SPECC1: variants seen among roughly 807,000 people sequenced by gnomAD.
The protein encoded by SPECC1 is cytospin-B.
A neutral mutation model predicts 104.1 loss-of-function variants in SPECC1; 62 were observed. The observed-to-expected ratio is 0.60, with a 90% CI of 0.49 to 0.74. The LOEUF (loss-of-function observed/expected upper bound fraction) is 0.74. Ranked by LOEUF, SPECC1 falls within the 30% of genes least tolerant of loss-of-function variation. The pLI is 0.00. For missense variants in SPECC1, 1,306 were observed against 1,310.5 expected, an observed-to-expected ratio of 1.00 and a Z score of 0.05; for synonymous variants, 513 against 501.6, an observed-to-expected ratio of 1.02 and a Z score of -0.30.
At chr17:20,155,963 AG>A in intron 3 of SPECC1, 1 of 1,250,138 alleles carries the variant, frequency 8.0e-7, no homozygotes, top group Non-Finnish European at 1.0e-6. Context: ...ATGCAGATGA[AG>A]GGGGCGGGCC....
chr17:20,059,957 T>A (rs2046123154), intron 1 of SPECC1, among the ~76,000 whole-genome samples: 1 of 152,224 alleles, frequency 6.6e-6, no homozygotes, highest in Admixed American at 6.5e-5. Flanking sequence ...AATTATCTAC[T>A]GGTTTGTACA....
intron 4 of SPECC1, among the ~76,000 whole-genome samples, chr17:20,206,462 T>A (rs984174469): frequency 6.6e-6 from 1 of 152,258 alleles, no homozygotes; most frequent in Non-Finnish European, 1.5e-5. Context: ...TTTATAATCA[T>A]CCTGTACATG....
rs533160344 is a variant in SPECC1, at chr17:20,246,022, G to A, written c.2448G>A (p.Ser816=). The A allele has an allele frequency of 3.3e-5, 54 of 1,613,990 alleles. No individual in the cohort carries two copies. The highest frequency in any genetic ancestry group is 1.1e-4 in the East Asian group (5 of 44,884). The change falls in exon 8 of 15, where the codon TCG becomes TCA. Residue 816 remains serine, a synonymous_variant. Transcript: ENST00000395527. The part of the protein sequence containing the change: ...VSRTSPTPPE[S]ATTVKSLIKS... The stretch of plus-strand genomic sequence containing the variant: ...GAACATCTCCAACACCCCCAGAGTC[G>A]GCAACCACCGTTAAGTCACTTATCA...
At chr17:20,156,242 T>C in intron 3 of SPECC1, 3 of 1,363,918 alleles carry the variant, frequency 2.2e-6, no homozygotes, top group Non-Finnish European at 2.8e-6. Context: ...ACCAGGTCTG[T>C]GCGGCTGGCG....
Position 20,316,216 on chromosome 17 carries a change from G to A in SPECC1, c.*2151G>A, listed in dbSNP as rs527822302. On this transcript the variant is annotated 3_prime_UTR_variant, in exon 15 of 15. Transcript: ENST00000395527. ...TTCTTCTTTGCCCACCATTAAAGTG[G>A]GGGAAAGTAATATCCCAAGTAGTTG... 119 of 229,586 alleles carry A rather than the reference G, an allele frequency of 5.2e-4. No individual in the cohort carries two copies. Among genetic ancestry groups the A allele is most frequent in the Non-Finnish European group, 8.5e-4 (99 of 116,088 alleles). The allele number at this position is 229,586 out of a possible 1,614,324, so 14.2% of individuals were successfully genotyped here.
intron 7 of SPECC1, chr17:20,238,904 T>G (rs2039064517): frequency 9.6e-7 from 1 of 1,042,652 alleles, no homozygotes; most frequent in African/African-American, 1.7e-5. Flanking sequence ...GTCTGCTGCT[T>G]AGTTTTAATC....
chr17:20,093,425 G>A (rs1032011852), intron 1 of SPECC1, among the ~76,000 whole-genome samples: 18 of 152,150 alleles, frequency 1.2e-4, no homozygotes, highest in African/African-American at 3.9e-4. Context: ...CCCTTACCTC[G>A]TAGGGTTACT....
At position 20,196,860 on chromosome 17, in the gene SPECC1, G is replaced by A. The variant is rs570541828; in HGVS notation, c.284-7473G>A. 4.0e-3 allele frequency among the ~76,000 whole-genome samples: 611 copies of A among 152,248 alleles called. 1 individual carries two copies. The highest frequency in any genetic ancestry group is 0.024 in the Middle Eastern group (7 of 294). On this transcript the variant is annotated intron_variant, in intron 3 of 14. Transcript: ENST00000395527. ...CTTAATATCTGACCTGCATAATTTA[G>A]ACTGAATGTTTTTATTTTATCAGTA...
At position 20,316,296 on chromosome 17, in the gene SPECC1, G is replaced by A. The variant is rs76224704; in HGVS notation, c.*2231G>A. ...TGGAATTAGTCCAGGGTTTTATGTG[G>A]GGAGGCAGTTGCTGTCTTGGGATAC... On this transcript the variant is annotated 3_prime_UTR_variant, in exon 15 of 15. Coordinates refer to ENST00000395527, the MANE Select transcript of SPECC1 (RefSeq NM_001243439.2). 4.3e-6 allele frequency: 1 copy of A among 231,466 alleles called. No homozygotes were observed. The highest frequency in any genetic ancestry group is 8.6e-6 in the Non-Finnish European group (1 of 116,904). 14.3% of individuals were successfully genotyped at this position (231,466 alleles called of 1,614,324 possible).
chr17:20,245,079 C>T (rs974409842), intron 7 of SPECC1, among the ~76,000 whole-genome samples: 2 of 152,156 alleles, frequency 1.3e-5, no homozygotes, highest in African/African-American at 4.8e-5. Flanking sequence ...AGTGCTGTTA[C>T]CATTCTTATG....
Position 20,068,656 on chromosome 17 carries a change from C to G in SPECC1, c.-21-27975C>G, listed in dbSNP as rs182161176. Among the ~76,000 whole-genome samples, 5 of 152,308 alleles carry G rather than the reference C, an allele frequency of 3.3e-5. No individual in the cohort carries two copies. The East Asian group carries it at 9.7e-4, about 29-fold the overall frequency. ...CATCCTCACCAGCACTTGTTAATGT[C>G]TGTTCTTTTGGCTAGAGCCATCCCA... is the stretch of plus-strand genomic sequence containing the variant. On this transcript the variant is annotated intron_variant, in intron 1 of 14. Transcript: ENST00000395527.
At chr17:20,156,293 GC>G in intron 3 of SPECC1, 1 of 1,303,972 alleles carries the variant, frequency 7.7e-7, no homozygotes, top group Non-Finnish European at 9.8e-7. Flanking sequence ...CCCTCCAGGC[GC>G]CCTTCCCCCA....
rs1567617368 is a variant in SPECC1 at position 20,298,980 on chromosome 17, G to GTGTGTGTGTGT, written c.3057+1903_3057+1904insTGTGTGTGTGT. 2.1e-3 allele frequency among the ~76,000 whole-genome samples: 60 copies of GTGTGTGTGTGT among 28,284 alleles called. 2 individuals carry two copies. Among genetic ancestry groups the GTGTGTGTGTGT allele is most frequent in the African/African-American group, 0.011 (56 of 5,098 alleles). The allele number at this position is 28,284 out of a possible 152,430, so 18.6% of individuals were successfully genotyped here. A position where few individuals can be genotyped will look rare whatever the true frequency, so the allele number is the denominator to read the frequency against. On this transcript the variant is annotated intron_variant, in intron 13 of 14. Coordinates refer to ENST00000395527, the MANE Select transcript of SPECC1 (RefSeq NM_001243439.2). ...GTGTGTGTGTGTGTGTGTATGTAGA[G>GTGTGTGTGTGT]AGAGAGAGAGAGAGAGGTGGGGGCT... is the stretch of plus-strand genomic sequence containing the variant.
intron 11 of SPECC1, among the ~76,000 whole-genome samples, chr17:20,259,972 A>G: frequency 6.6e-6 from 1 of 151,632 alleles, no homozygotes; most frequent in South Asian, 2.1e-4. Flanking sequence ...ATGTAACAAA[A>G]CTCTCCCCAA....
rs544190146 is a variant in SPECC1 at position 20,235,041 on chromosome 17, A to C, written c.2351+2636A>C. 3.3e-5 allele frequency among the ~76,000 whole-genome samples: 5 copies of C among 152,356 alleles called. No homozygotes were observed. In the South Asian group the frequency reaches 1.0e-3, roughly 32 times the overall value. On this transcript the variant is annotated intron_variant, in intron 7 of 14. Coordinates refer to ENST00000395527, the MANE Select transcript of SPECC1 (RefSeq NM_001243439.2). ...GTCATGTTTGCAGCCAACCAGTAAC[A>C]TCTCATTCTCAGCCCTGCCTCTTGC...
intron 3 of SPECC1, among the ~76,000 whole-genome samples, chr17:20,120,723 A>AT: frequency 6.6e-6 from 1 of 152,238 alleles, no homozygotes; most frequent in East Asian, 1.9e-4. Flanking sequence ...TTTGAGAAAG[A>AT]TTTTTGTCAT....
At position 20,298,978 on chromosome 17, in the gene SPECC1, G is replaced by GTGTGTGTGTGTGTGTGTGTGT. The variant is rs747414391; in HGVS notation, c.3057+1901_3057+1902insTGTGTGTGTGTGTGTGTGTGT. Among the ~76,000 whole-genome samples, 123 of 29,424 alleles carry GTGTGTGTGTGTGTGTGTGTGT rather than the reference G, an allele frequency of 4.2e-3. 1 individual carries two copies. The highest frequency in any genetic ancestry group is 0.018 in the African/African-American group (96 of 5,206). The allele number at this position is 29,424 out of a possible 152,430, so 19.3% of individuals were successfully genotyped here. ...GTGTGTGTGTGTGTGTGTGTATGTA[G>GTGTGTGTGTGTGTGTGTGTGT]AGAGAGAGAGAGAGAGAGGTGGGGG... On this transcript the variant is annotated intron_variant, in intron 13 of 14. Transcript: ENST00000395527.
chr17:20,220,136 T>G (rs2037772967), intron 4 of SPECC1, among the ~76,000 whole-genome samples: 1 of 152,196 alleles, frequency 6.6e-6, no homozygotes, highest in African/African-American at 2.4e-5. Flanking sequence ...TTCTTTTTGC[T>G]CAGGATGGCT....
rs1024124241 is a variant in SPECC1, at chr17:20,263,499, C to T, written c.2940+3205C>T. Among the ~76,000 whole-genome samples the T allele has an allele frequency of 2.1e-4, 31 of 150,194 alleles. 1 individual carries two copies. Among genetic ancestry groups the T allele is most frequent in the Admixed American group, 7.3e-4 (11 of 15,122 alleles). On this transcript the variant is annotated intron_variant, in intron 12 of 14. Transcript: ENST00000395527. ...AAACCTGCACATTGTGCAGATGTAC[C>T]ATAGAACTTAAAGTATAATAAAAAT...
Sources: gnomAD v4.1 joint callset for allele counts (sites outside exome capture counted in the v4.1 genomes callset) on GRCh38, gnomAD v4.1.1 for gene constraint, MANE v1.5 for transcripts, NCBI Gene and HGNC (gene_info 2026-07-23, HGNC 2026-07-21) for gene names.